ADGRL3: variants seen among roughly 807,000 people sequenced by gnomAD.
ADGRL3 encodes the protein calcium-independent alpha-latrotoxin receptor 3.
In ADGRL3, 62 loss-of-function variants were observed where a neutral mutation model predicts 153.5. The observed-to-expected ratio is 0.40, with a 90% confidence interval of 0.33 to 0.50. ADGRL3 has a LOEUF of 0.50. ADGRL3 is among the 20% of genes least tolerant of loss of function. The probability of loss-of-function intolerance (pLI) is 0.47; values close to 1 mark genes in which losing one functional copy is unlikely to be tolerated. For synonymous variants in ADGRL3, 710 were observed against 672.5 expected, an observed-to-expected ratio of 1.06 and a Z score of -0.86; for missense variants, 1,641 against 1,859.4, an observed-to-expected ratio of 0.88 and a Z score of 2.16.
At chr4:61,497,745 C>T (rs563096245) in intron 3 of ADGRL3, among the ~76,000 whole-genome samples, 2 of 150,164 alleles carry the variant, frequency 1.3e-5, no homozygotes, top group African/African-American at 2.4e-5. Context: ...AGGATGGTCT[C>T]GATTTCCTGA....
chr4:62,038,414 A>G (rs950351002), intron 24 of ADGRL3, among the ~76,000 whole-genome samples: 35 of 152,136 alleles, frequency 2.3e-4, no homozygotes, highest in Non-Finnish European at 4.1e-4. Context: ...GTAGCAGTAT[A>G]GTACCTTACC....
chr4:61,819,670 A>G (rs1250820807), intron 9 of ADGRL3, among the ~76,000 whole-genome samples: 1 of 152,162 alleles, frequency 6.6e-6, no homozygotes, highest in Non-Finnish European at 1.5e-5. Context: ...ATATATTAAC[A>G]TAGTCATAAA....
intron 6 of ADGRL3, among the ~76,000 whole-genome samples, chr4:61,721,923 T>A (rs1194734534): frequency 6.6e-6 from 1 of 152,156 alleles, no homozygotes; most frequent in Non-Finnish European, 1.5e-5. Flanking sequence ...GTATAAAAAT[T>A]TATTTATAGA....
At chr4:61,638,608 A>T (rs2093531717) in intron 5 of ADGRL3, among the ~76,000 whole-genome samples, 1 of 152,174 alleles carries the variant, frequency 6.6e-6, no homozygotes, top group Non-Finnish European at 1.5e-5. Context: ...ATCTCCTGTT[A>T]TGTTACTACT....
rs1277770258 is a variant in ADGRL3 at position 61,945,542 on chromosome 4, C to T, written c.2420-1372C>T. ...GGGCGCCCCTCCCCCAGCCTCGTTG[C>T]CACCTTGCAGTTTGATCTCAGACTG... On this transcript the variant is annotated intron_variant, in intron 15 of 26. Coordinates refer to ENST00000683033, the MANE Select transcript of ADGRL3 (RefSeq NM_001387552.1). Among the ~76,000 whole-genome samples the T allele has an allele frequency of 2.1e-3, 295 of 137,368 alleles. 1 individual carries two copies. The highest frequency in any genetic ancestry group is 3.6e-3 in the Non-Finnish European group (227 of 63,626). 90.1% of individuals were successfully genotyped at this position (137,368 alleles called of 152,430 possible).
rs563376482 is a variant in ADGRL3, at chr4:61,745,433, GA to G, written c.1399+11885del. Among the ~76,000 whole-genome samples the G allele has an allele frequency of 4.5e-4, 68 of 152,176 alleles. 2 individuals carry two copies. In the East Asian group the frequency reaches 0.013, roughly 29 times the overall value. ...CAGATTCACCAAAGTTGAAATGAAG[GA>G]AAAAATGTTAAGGGCAGCCAGAAAG... On this transcript the variant is annotated intron_variant, in intron 8 of 26. Coordinates refer to ENST00000683033, the MANE Select transcript of ADGRL3 (RefSeq NM_001387552.1).
intron 8 of ADGRL3, among the ~76,000 whole-genome samples, chr4:61,781,012 A>G (rs984855065): frequency 6.6e-6 from 1 of 152,190 alleles, no homozygotes; most frequent in South Asian, 2.1e-4. Context: ...ATATCTTTTT[A>G]ATTTCTAAAA....
chr4:61,345,929 G>A (rs2095892362), intron 1 of ADGRL3, among the ~76,000 whole-genome samples: 1 of 152,144 alleles, frequency 6.6e-6, no homozygotes, highest in South Asian at 2.1e-4. Flanking sequence ...AAAATACCAT[G>A]TTGGGGTGAC....
intron 1 of ADGRL3, among the ~76,000 whole-genome samples, chr4:61,240,349 G>C (rs1213312951): frequency 6.6e-6 from 1 of 152,008 alleles, no homozygotes; most frequent in Non-Finnish European, 1.5e-5. Context: ...TGGGTCTTAG[G>C]TTCCAACATA....
chr4:62,057,661 A>G (rs926571036), intron 25 of ADGRL3, among the ~76,000 whole-genome samples: 1 of 151,964 alleles, frequency 6.6e-6, no homozygotes, highest in African/African-American at 2.4e-5. Flanking sequence ...AATGATTCAC[A>G]TATATTGTTT....
At chr4:61,826,172 A>G (rs1294283722) in intron 9 of ADGRL3, among the ~76,000 whole-genome samples, 17 of 152,214 alleles carry the variant, frequency 1.1e-4, no homozygotes, top group Admixed American at 1.1e-3. Context: ...GATTATTATT[A>G]TAGCCATAAA....
intron 5 of ADGRL3, among the ~76,000 whole-genome samples, chr4:61,653,863 G>A (rs779463691): frequency 6.6e-6 from 1 of 152,186 alleles, no homozygotes; most frequent in Non-Finnish European, 1.5e-5. Context: ...TGCGCAGATA[G>A]AGAATATGAA....
At chr4:61,541,346 AT>A (rs3075146) in intron 4 of ADGRL3, among the ~76,000 whole-genome samples, 29,463 of 103,028 alleles carry the variant, frequency 0.29, 3,734 homozygotes, top group African/African-American at 0.36. Context: ...TCTGGTAGAG[AT>A]TTTTTTTTTT....
intron 1 of ADGRL3, among the ~76,000 whole-genome samples, chr4:61,337,955 G>A (rs2095715038): frequency 6.6e-6 from 1 of 152,060 alleles, no homozygotes; most frequent in Non-Finnish European, 1.5e-5. Flanking sequence ...TACATTCAGA[G>A]TAGTACTTAG....
chr4:61,581,635 C>G (rs760182419), intron 4 of ADGRL3, among the ~76,000 whole-genome samples: 1 of 151,998 alleles, frequency 6.6e-6, no homozygotes, highest in Non-Finnish European at 1.5e-5. Context: ...TTATCGTTAT[C>G]TACTTCTGTG....
intron 1 of ADGRL3, among the ~76,000 whole-genome samples, chr4:61,345,095 G>A (rs1399290872): frequency 1.3e-5 from 2 of 151,778 alleles, no homozygotes; most frequent in African/African-American, 4.8e-5. Flanking sequence ...ATCACGCCCG[G>A]CCTTACATTT....
At chr4:61,972,783 C>T (rs897563549) in intron 17 of ADGRL3, among the ~76,000 whole-genome samples, 6 of 151,994 alleles carry the variant, frequency 3.9e-5, no homozygotes, top group African/African-American at 1.4e-4. Flanking sequence ...ATTCTTCCTA[C>T]CCATGAGCAT....
At chr4:61,209,989 C>T (rs1373516986) in intron 1 of ADGRL3, among the ~76,000 whole-genome samples, 2 of 152,034 alleles carry the variant, frequency 1.3e-5, no homozygotes, top group Non-Finnish European at 2.9e-5. Context: ...ATGAGATAAA[C>T]CTATAAAATT....
chr4:61,654,259 T>C (rs1203188788), intron 5 of ADGRL3, among the ~76,000 whole-genome samples: 2 of 152,100 alleles, frequency 1.3e-5, no homozygotes, highest in Admixed American at 1.3e-4. Context: ...TAATTTGTAT[T>C]GAATGTGACT....
Sources: allele counts gnomAD v4.1 joint callset (sites outside exome capture counted in the v4.1 genomes callset), GRCh38; gene constraint gnomAD v4.1.1; transcripts MANE v1.5; gene names NCBI Gene and HGNC (gene_info 2026-07-23, HGNC 2026-07-21).